Variants in MCF2L observed in about 807,000 individuals in gnomAD.
MCF2L encodes guanine nucleotide exchange factor DBS.
MCF2L carries 97 observed loss-of-function variants against 153.4 expected under a neutral mutation model. That is an observed-to-expected ratio of 0.63 (90% CI 0.54 to 0.75). MCF2L has a LOEUF of 0.75. Ranked by LOEUF, MCF2L falls within the 30% of genes least tolerant of loss-of-function variation. MCF2L has a pLI of 0.00. For synonymous variants in MCF2L, 659 were observed against 632.2 expected, an observed-to-expected ratio of 1.04 and a Z score of -0.64; for missense variants, 1,347 against 1,495.2, an observed-to-expected ratio of 0.90 and a Z score of 1.64.
At chr13:112,925,405 T>C (rs979594688) in intron 2 of MCF2L, among the ~76,000 whole-genome samples, 1 of 152,224 alleles carries the variant, frequency 6.6e-6, no homozygotes, top group Non-Finnish European at 1.5e-5. Context: ...GGAGTACTTC[T>C]GTACGTGTAC....
At position 113,088,550 on chromosome 13, in the gene MCF2L, C is replaced by T. The variant is rs1289122587; in HGVS notation, c.2768-12C>T. 3 of 1,611,160 alleles carry T rather than the reference C, an allele frequency of 1.9e-6. No individual in the cohort carries two copies. Among genetic ancestry groups the T allele is most frequent in the Non-Finnish European group, 2.5e-6 (3 of 1,179,684 alleles). On this transcript the variant is annotated splice_polypyrimidine_tract_variant and intron_variant, in intron 24 of 29. Coordinates refer to ENST00000535094, the MANE Select transcript of MCF2L (RefSeq NM_001112732.3). ...CGCTCGTTCACGTGGTTTGTCTGCT[C>T]CCTCCTCGCAGAAGCCAGCCAGCAC... is the stretch of plus-strand genomic sequence containing the variant.
intron 1 of MCF2L, chr13:113,010,455 GC>G (rs1354852587): frequency 6.6e-6 from 1 of 152,188 alleles, no homozygotes; most frequent in Non-Finnish European, 1.5e-5. Context: ...CAGTGGTGGG[GC>G]CTCACCTGTG....
rs2081468188 is a variant in MCF2L at position 112,931,961 on chromosome 13, A to G, written c.169+29590A>G. Among the ~76,000 whole-genome samples, 2 of 152,198 alleles carry G rather than the reference A, an allele frequency of 1.3e-5. 1 individual carries two copies. The highest frequency in any genetic ancestry group is 4.1e-4 in the South Asian group (2 of 4,830). ...GGTCCACACTGACGTAAATGATTGA[A>G]TAGATATTAATACATGACTGGAGAC... On this transcript the variant is annotated intron_variant, in intron 2 of 29. Coordinates refer to the MCF2L transcript ENST00000375608.
upstream of MCF2L, chr13:112,968,662 G>A: frequency 1.3e-6 from 2 of 1,507,270 alleles, no homozygotes; most frequent in Non-Finnish European, 1.8e-6. Flanking sequence ...GAAGGGGCGC[G>A]CTGGGCTGCT....
At chr13:113,049,364 C>T (rs182254059) in intron 4 of MCF2L, among the ~76,000 whole-genome samples, 12 of 151,866 alleles carry the variant, frequency 7.9e-5, no homozygotes, top group Non-Finnish European at 1.2e-4. Context: ...GTGGGGCTGG[C>T]GGGGAGGCCC....
rs1050939190 is a variant in MCF2L at position 113,054,240 on chromosome 13, CA to C, written c.370-6352del. The stretch of plus-strand genomic sequence containing the variant: ...CGTGAAATTCGTGGAGATTATTGTA[CA>C]TTCGGGAGTGGGAGTGCGATTGGAT... On this transcript the variant is annotated intron_variant, in intron 4 of 29. Coordinates refer to ENST00000535094, the MANE Select transcript of MCF2L (RefSeq NM_001112732.3). This position sits in a 1 kb window ranked among gnomAD's most constrained non-coding sequence, Gnocchi z 5.2. 1 of 167,680 alleles carries C rather than the reference CA, an allele frequency of 6.0e-6. No homozygotes were observed. The highest frequency in any genetic ancestry group is 2.4e-5 in the African/African-American group (1 of 41,398). The allele number at this position is 167,680 out of a possible 1,614,324, so 10.4% of individuals were successfully genotyped here.
Position 113,097,046 on chromosome 13 carries a change from T to G in MCF2L, c.*187T>G. ...ACGGAAGACCCCGGCCCGCTGGGGCTTCCCCGGAGACTCCAGAGCCCACAG... is the reference window on the plus strand; with the variant it reads ...ACGGAAGACCCCGGCCCGCTGGGGCGTCCCCGGAGACTCCAGAGCCCACAG... On this transcript the variant is annotated 3_prime_UTR_variant, in exon 30 of 30. Coordinates refer to ENST00000535094, the MANE Select transcript of MCF2L (RefSeq NM_001112732.3). 2 of 392,134 alleles carry G rather than the reference T, an allele frequency of 5.1e-6. No homozygotes were observed. Among genetic ancestry groups the G allele is most frequent in the Non-Finnish European group, 8.9e-6 (2 of 224,696 alleles). The allele number at this position is 392,134 out of a possible 1,614,324, so 24.3% of individuals were successfully genotyped here.
intron 2 of MCF2L, among the ~76,000 whole-genome samples, chr13:112,916,141 G>A (rs2081289573): frequency 6.7e-6 from 1 of 148,186 alleles, no homozygotes. Flanking sequence ...CTGGGAGGCG[G>A]AGGTTGCAGT....
intron 2 of MCF2L, chr13:112,909,333 C>T (rs2081206388): frequency 1.3e-6 from 1 of 779,552 alleles, no homozygotes; most frequent in Non-Finnish European, 2.4e-6. Context: ...CATCCTTCAC[C>T]TCTGTGTCTA....
chr13:113,057,606 T>C lies in MCF2L; in HGVS notation c.370-2987T>C, dbSNP rs547313781. Among the ~76,000 whole-genome samples the C allele has an allele frequency of 1.7e-3, 223 of 134,374 alleles. 1 individual carries two copies. Among genetic ancestry groups the C allele is most frequent in the African/African-American group, 6.6e-3 (217 of 32,970 alleles). 88.2% of individuals were successfully genotyped at this position (134,374 alleles called of 152,430 possible). A position where few individuals can be genotyped will look rare whatever the true frequency, so the allele number is the denominator to read the frequency against. On this transcript the variant is annotated intron_variant, in intron 4 of 29. Coordinates refer to ENST00000535094, the MANE Select transcript of MCF2L (RefSeq NM_001112732.3). ...GTGGTGTGTGTTTGGGTGCTGTGTG[T>C]TTGAGTGCTGTGTGTTTGGGTGCTG... is the stretch of plus-strand genomic sequence containing the variant.
intron 26 of MCF2L, chr13:113,090,566 G>A (rs1464425225): frequency 1.0e-6 from 1 of 985,268 alleles, no homozygotes; most frequent in African/African-American, 1.7e-5. Flanking sequence ...ATCCACTAGT[G>A]AACAGGGCTG....
rs185875706 is a variant in MCF2L at position 112,904,332 on chromosome 13, A to G, written c.169+1961A>G. Among the ~76,000 whole-genome samples the G allele has an allele frequency of 1.7e-3, 266 of 152,224 alleles. No homozygotes were observed. The highest frequency in any genetic ancestry group is 3.2e-3 in the Non-Finnish European group (219 of 68,014). ...AGGAGCATGTCAGGGTCCACCGTGC[A>G]CCAGCCGTGGAGCAGAGCCTGGGCC... is the stretch of plus-strand genomic sequence containing the variant. On this transcript the variant is annotated intron_variant, in intron 2 of 29. Transcript: ENST00000375608. The surrounding 1 kb of genome is among the most constrained non-coding windows in gnomAD (Gnocchi z 4.2).
At chr13:112,936,125 CA>C (rs1194479857) in intron 2 of MCF2L, among the ~76,000 whole-genome samples, 1 of 151,962 alleles carries the variant, frequency 6.6e-6, no homozygotes, top group East Asian at 1.9e-4. Context: ...ACTAAAAATA[CA>C]AAAATTAGCT....
In MCF2L at chr13:113,091,015, G is replaced by A. The variant is rs1356433354; in HGVS notation, c.2953+1287G>A. The stretch of plus-strand genomic sequence containing the variant: ...TTCATCGGTGGAAAGGGGCCACAAC[G>A]TCGGTGTCCCCTTCCAGCACGAGCG... On this transcript the variant is annotated intron_variant, in intron 26 of 29. Coordinates refer to ENST00000535094, the MANE Select transcript of MCF2L (RefSeq NM_001112732.3). 8.2e-5 allele frequency: 105 copies of A among 1,275,382 alleles called. 1 individual carries two copies. The South Asian group carries it at 9.6e-4, about 12-fold the overall frequency. The allele number at this position is 1,275,382 out of a possible 1,614,324, so 79.0% of individuals were successfully genotyped here.
At chr13:113,073,915 C>CAA (rs35586403) in intron 9 of MCF2L, among the ~76,000 whole-genome samples, 18 of 144,748 alleles carry the variant, frequency 1.2e-4, no homozygotes, top group South Asian at 2.2e-4. Flanking sequence ...AACTCCGTCT[C>CAA]AAAAAAAAAA....
At chr13:113,006,063 C>T (rs551107388) in intron 1 of MCF2L, among the ~76,000 whole-genome samples, 1 of 152,164 alleles carries the variant, frequency 6.6e-6, no homozygotes, top group African/African-American at 2.4e-5. Context: ...AATGGGAGGC[C>T]GTGCCCTGCC....
intron 3 of MCF2L, chr13:113,040,763 G>C (rs1044716303): frequency 5.3e-5 from 8 of 152,178 alleles, no homozygotes; most frequent in African/African-American, 1.7e-4. Context: ...GGGCCTCCCC[G>C]CCCCACTGGT....
chr13:113,092,274 A>T, intron 26 of MCF2L, among the ~76,000 whole-genome samples: 1 of 152,254 alleles, frequency 6.6e-6, no homozygotes, highest in Middle Eastern at 3.2e-3. Flanking sequence ...CTCGTCATCC[A>T]TGAATGAAGA....
At chr13:113,060,858 C>T (rs1377038059) in intron 5 of MCF2L, 146 bp downstream of exon 5, 11 of 1,040,532 alleles carry the variant, frequency 1.1e-5, no homozygotes, top group East Asian at 2.6e-5. Flanking sequence ...GAAGTTGCAC[C>T]TCCTCAATGC....
Sources: allele counts gnomAD v4.1 joint callset (sites outside exome capture counted in the v4.1 genomes callset), GRCh38; gene constraint gnomAD v4.1.1; non-coding constraint Gnocchi (gnomAD v3.1); transcripts MANE v1.5; gene names NCBI Gene and HGNC (gene_info 2026-07-23, HGNC 2026-07-21).